Variants in JARID2 observed in about 807,000 individuals in gnomAD.
The protein encoded by JARID2 is jumonji and AT-rich interaction domain containing 2, also known as protein Jumonji.
JARID2 carries 21 observed loss-of-function variants against 125.6 expected under a neutral mutation model. That is an observed-to-expected ratio of 0.17 (90% CI 0.12 to 0.24). The LOEUF (loss-of-function observed/expected upper bound fraction) is 0.24, where lower values mean the gene tolerates loss of function less well. Ranked by LOEUF, JARID2 falls within the 10% of genes least tolerant of loss-of-function variation. The pLI, the probability that JARID2 is intolerant of heterozygous loss-of-function variation, is 1.00. For synonymous variants in JARID2, 736 were observed against 661.6 expected (o/e 1.11, Z -1.73); for missense variants, 1,303 against 1,639.6 (o/e 0.79, Z 3.55).
intron 4 of JARID2, among the ~76,000 whole-genome samples, chr6:15,455,208 A>AT (rs397961953): frequency 6.7e-6 from 1 of 149,906 alleles, no homozygotes; most frequent in Non-Finnish European, 1.5e-5. Context: ...AAAAAAAAAA[A>AT]CAATGGTGAT....
At chr6:15,504,651 G>C in intron 9 of JARID2, 59 bp downstream of exon 9, 5 of 1,116,604 alleles carry the variant, frequency 4.5e-6, no homozygotes, top group South Asian at 1.2e-5. Context: ...CGGCGAGCTG[G>C]AGGACATCCT....
At chr6:15,342,629 T>C (rs1763105730) in intron 1 of JARID2, among the ~76,000 whole-genome samples, 1 of 152,206 alleles carries the variant, frequency 6.6e-6, no homozygotes, top group African/African-American at 2.4e-5. Context: ...ATTCAGAATA[T>C]ACACATTTTT....
intron 6 of JARID2, among the ~76,000 whole-genome samples, chr6:15,489,996 C>A (rs994799810): frequency 4.6e-5 from 7 of 152,232 alleles, no homozygotes; most frequent in African/African-American, 1.7e-4. Flanking sequence ...TGATATTTAA[C>A]CTTCCTGGGC....
chr6:15,447,058 C>T (rs1767704285), intron 3 of JARID2, among the ~76,000 whole-genome samples: 1 of 152,168 alleles, frequency 6.6e-6, no homozygotes, highest in African/African-American at 2.4e-5. Context: ...CAAACAGCAG[C>T]TCGTATCCGT....
intron 1 of JARID2, among the ~76,000 whole-genome samples, chr6:15,304,337 GGTTA>G (rs1761745367): frequency 1.4e-5 from 1 of 73,180 alleles, no homozygotes; most frequent in African/African-American, 5.8e-5. Context: ...ACTGTAACTT[GGTTA>G]GTTAAACCTG....
chr6:15,493,253 G>A (rs1423679599), intron 6 of JARID2, among the ~76,000 whole-genome samples: 1 of 152,186 alleles, frequency 6.6e-6, no homozygotes, highest in Non-Finnish European at 1.5e-5. Flanking sequence ...AGACATCTGA[G>A]GCTTTTAAAC....
chr6:15,465,756 T>C (rs559708441), intron 4 of JARID2, among the ~76,000 whole-genome samples: 9 of 152,180 alleles, frequency 5.9e-5, no homozygotes, highest in Non-Finnish European at 1.2e-4. Flanking sequence ...AGAATATTTT[T>C]ATTGGATCTT....
chr6:15,481,651 G>A (rs761936094), intron 5 of JARID2, among the ~76,000 whole-genome samples: 3 of 151,964 alleles, frequency 2.0e-5, no homozygotes, highest in East Asian at 1.9e-4. Flanking sequence ...TTTACTTCCC[G>A]TTTAACACAT....
intron 2 of JARID2, among the ~76,000 whole-genome samples, chr6:15,392,059 TGTGTGTGTGTGTGTGTGTGC>T (rs1223843775): frequency 7.0e-5 from 7 of 100,244 alleles, no homozygotes; most frequent in Non-Finnish European, 1.1e-4. Context: ...TGTGTGTGTG[TGTGTGTGTGTGTGTGTGTGC>T]GTGTCTGGAG....
chr6:15,293,540 A>G (rs1354174989), intron 1 of JARID2, among the ~76,000 whole-genome samples: 2 of 152,246 alleles, frequency 1.3e-5, no homozygotes, highest in African/African-American at 2.4e-5. Context: ...CTATTTATTT[A>G]GTAAACACTG....
chr6:15,387,663 C>G (rs781409290), intron 2 of JARID2, among the ~76,000 whole-genome samples: 1 of 152,160 alleles, frequency 6.6e-6, no homozygotes, highest in Non-Finnish European at 1.5e-5. Context: ...TTAAATTAAA[C>G]TCCATGTTAA....
chr6:15,478,301 T>TA (rs1199945930), intron 5 of JARID2, among the ~76,000 whole-genome samples: 1 of 152,160 alleles, frequency 6.6e-6, no homozygotes, highest in Non-Finnish European at 1.5e-5. Context: ...TCCTCCTTTG[T>TA]AAAATTATAT....
chr6:15,414,737 C>CTT (rs1235491649), intron 3 of JARID2, among the ~76,000 whole-genome samples: 1 of 151,236 alleles, frequency 6.6e-6, no homozygotes, highest in African/African-American at 2.4e-5. Flanking sequence ...TTTTCTTTTT[C>CTT]TTTTGATCAT....
At chr6:15,344,391 G>C (rs16876240) in intron 1 of JARID2, among the ~76,000 whole-genome samples, 5,067 of 151,798 alleles carry the variant, frequency 0.033, 111 homozygotes, top group South Asian at 0.064. Context: ...GTCAGACTCG[G>C]CTGATGTAAT....
intron 13 of JARID2, among the ~76,000 whole-genome samples, chr6:15,511,855 ACTC>A (rs1453766995): frequency 1.3e-5 from 2 of 151,280 alleles, no homozygotes; most frequent in East Asian, 2.0e-4. Context: ...TGGACGGGGG[ACTC>A]CTTTGTAAGC....
chr6:15,332,794 T>C (rs1762750536), intron 1 of JARID2, among the ~76,000 whole-genome samples: 1 of 152,202 alleles, frequency 6.6e-6, no homozygotes, highest in South Asian at 2.1e-4. Flanking sequence ...AAAATAGTTT[T>C]CAATACATAC....
intron 2 of JARID2, among the ~76,000 whole-genome samples, chr6:15,381,386 C>G (rs960819806): frequency 4.6e-5 from 7 of 150,620 alleles, no homozygotes; most frequent in African/African-American, 1.7e-4. Flanking sequence ...TCAGCTTTAC[C>G]GAAGTGTTGA....
chr6:15,408,328 G>A (rs1347414865), intron 2 of JARID2, among the ~76,000 whole-genome samples: 1 of 151,648 alleles, frequency 6.6e-6, no homozygotes, highest in Non-Finnish European at 1.5e-5. Context: ...TTCCTTTTCA[G>A]TTTTACATCT....
chr6:15,388,366 C>T (rs1417635432), intron 2 of JARID2, among the ~76,000 whole-genome samples: 1 of 152,044 alleles, frequency 6.6e-6, no homozygotes, highest in Non-Finnish European at 1.5e-5. Flanking sequence ...CCCTACAGTT[C>T]ATAAATCCCT....
Sources: gnomAD v4.1 joint callset for allele counts (sites outside exome capture counted in the v4.1 genomes callset) on GRCh38, gnomAD v4.1.1 for gene constraint, MANE v1.5 for transcripts, NCBI Gene and HGNC (gene_info 2026-07-23, HGNC 2026-07-21) for gene names.